The following ZFP64 variants were observed in gnomAD, a reference collection of about 807,000 sequenced individuals.
ZFP64 encodes the protein zinc finger protein 64.
In ZFP64, 14 loss-of-function variants were observed where a neutral mutation model predicts 51.6. The observed-to-expected ratio is 0.27, with a 90% CI of 0.18 to 0.42. ZFP64 has a LOEUF of 0.42. ZFP64 is among the 10% of genes least tolerant of loss of function. The pLI is 1.00. For missense variants in ZFP64, 754 were observed against 906.8 expected (o/e 0.83, Z 2.16); for synonymous variants, 375 against 361.4 (o/e 1.04, Z -0.43).
At chr20:52,114,459 G>C (rs371619757) in intron 5 of ZFP64, among the ~76,000 whole-genome samples, 1 of 152,148 alleles carries the variant, frequency 6.6e-6, no homozygotes, top group South Asian at 2.1e-4. Context: ...GGAATCACCC[G>C]GGGACCTTGT....
intron 8 of ZFP64, among the ~76,000 whole-genome samples, chr20:52,087,509 C>G (rs1466638703): frequency 3.9e-5 from 6 of 152,150 alleles, no homozygotes; most frequent in Non-Finnish European, 8.8e-5. Flanking sequence ...TGAAAATTAC[C>G]CAAGTACTCT....
chr20:52,091,427 A>G (rs1387421046), intron 7 of ZFP64, among the ~76,000 whole-genome samples: 1 of 152,246 alleles, frequency 6.6e-6, no homozygotes, highest in Admixed American at 6.5e-5. Context: ...TAGGAACACA[A>G]TAGAAATTCT....
At position 52,155,196 on chromosome 20, in the gene ZFP64, G is replaced by A. The variant is rs568792130; in HGVS notation, c.764-1768C>T. Among the ~76,000 whole-genome samples, 18 of 152,298 alleles carry A rather than the reference G, an allele frequency of 1.2e-4. No individual in the cohort carries two copies. The East Asian group carries it at 3.1e-3, about 26-fold the overall frequency. On this transcript the variant is annotated intron_variant, in intron 5 of 5. Coordinates refer to ENST00000216923, the MANE Select transcript of ZFP64 (RefSeq NM_018197.3). ...GTAACTACAGTCATTTCTAAATAAAGAAGAGTGTAAAAGATATTTGCTCCA... is the reference window on the plus strand; with the variant it reads ...GTAACTACAGTCATTTCTAAATAAAAAAGAGTGTAAAAGATATTTGCTCCA...
chr20:52,094,009 A>C (rs774730957), intron 7 of ZFP64, among the ~76,000 whole-genome samples: 1 of 152,236 alleles, frequency 6.6e-6, no homozygotes, highest in Admixed American at 6.5e-5. Flanking sequence ...CTTTTTGAGA[A>C]GAGTCCATCC....
At chr20:52,140,398 G>T (rs1301370736) in intron 5 of ZFP64, among the ~76,000 whole-genome samples, 1 of 152,200 alleles carries the variant, frequency 6.6e-6, no homozygotes, top group Non-Finnish European at 1.5e-5. Context: ...GTTCTGCAAA[G>T]AAATTAAAAG....
chr20:52,092,589 C>A (rs1265592972), intron 7 of ZFP64, among the ~76,000 whole-genome samples: 2 of 152,208 alleles, frequency 1.3e-5, no homozygotes, highest in Non-Finnish European at 2.9e-5. Context: ...GTGGCTCACA[C>A]CTGCAATCCC....
Position 52,151,835 on chromosome 20 carries a change from T to G in ZFP64, c.*311A>C. On this transcript the variant is annotated 3_prime_UTR_variant, in exon 6 of 6. Coordinates refer to ENST00000216923, the MANE Select transcript of ZFP64 (RefSeq NM_018197.3). The stretch of plus-strand genomic sequence containing the variant: ...GGGAGGCTGAGGTGGGCAGATCACT[T>G]GAGGTCAGGAGTTCAACATGATGAA... 1 of 1,053,760 alleles carries G rather than the reference T, an allele frequency of 9.5e-7. No homozygotes were observed. The allele number at this position is 1,053,760 out of a possible 1,614,324, so 65.3% of individuals were successfully genotyped here.
chr20:52,099,176 G>A (rs565832326), intron 5 of ZFP64, among the ~76,000 whole-genome samples: 2 of 152,206 alleles, frequency 1.3e-5, no homozygotes, highest in South Asian at 4.1e-4. Flanking sequence ...TGAAGACCTA[G>A]TTTTTTCTAA....
At chr20:52,096,365 G>A (rs902068662) in intron 7 of ZFP64, among the ~76,000 whole-genome samples, 2 of 152,242 alleles carry the variant, frequency 1.3e-5, no homozygotes, top group African/African-American at 4.8e-5. Context: ...GAGAACTACA[G>A]CAGCTGCCTC....
rs543379444 is a variant in ZFP64 at position 52,156,668 on chromosome 20, G to T, written c.764-3240C>A. 5.3e-5 allele frequency among the ~76,000 whole-genome samples: 8 copies of T among 152,322 alleles called. No individual in the cohort carries two copies. In the South Asian group the frequency reaches 1.7e-3, roughly 32 times the overall value. On this transcript the variant is annotated intron_variant, in intron 5 of 5. Coordinates refer to ENST00000216923, the MANE Select transcript of ZFP64 (RefSeq NM_018197.3). ...ACTGTGACAACAGACAATGGATACA[G>T]ATATTGGTATCTAGAAAAAGGGTGA...
intron 7 of ZFP64, among the ~76,000 whole-genome samples, chr20:52,089,918 CT>C (rs2122708322): frequency 6.6e-6 from 1 of 152,226 alleles, no homozygotes; most frequent in East Asian, 1.9e-4. Flanking sequence ...ATCTTCTTGT[CT>C]TTAGGTTCAC....
intron 8 of ZFP64, among the ~76,000 whole-genome samples, chr20:52,086,700 G>C (rs953088399): frequency 6.6e-6 from 1 of 151,992 alleles, no homozygotes; most frequent in African/African-American, 2.4e-5. Flanking sequence ...GGATGGTTTC[G>C]ATCTCCTGAC....
chr20:52,115,069 G>T (rs1326972324), intron 5 of ZFP64, among the ~76,000 whole-genome samples: 1 of 151,980 alleles, frequency 6.6e-6, no homozygotes, highest in African/African-American at 2.4e-5. Context: ...GCCAGGTATG[G>T]TGGTGGGCGC....
chr20:52,133,895 G>C (rs1045040580), intron 5 of ZFP64, among the ~76,000 whole-genome samples: 2 of 152,088 alleles, frequency 1.3e-5, no homozygotes, highest in South Asian at 2.1e-4. Flanking sequence ...TGGGCATGGT[G>C]GTGCATGCCT....
intron 5 of ZFP64, chr20:52,104,972 C>T: frequency 3.6e-6 from 3 of 822,018 alleles, no homozygotes; most frequent in Non-Finnish European, 3.7e-6. Flanking sequence ...TTTACAAAGG[C>T]GGGGGGCGGG....
At chr20:52,136,322 A>G (rs906273838) in intron 5 of ZFP64, among the ~76,000 whole-genome samples, 4 of 152,112 alleles carry the variant, frequency 2.6e-5, no homozygotes, top group East Asian at 1.9e-4. Context: ...CACAGCATCA[A>G]TGTTGAGAAG....
chr20:52,117,615 TC>T (rs769045322), intron 5 of ZFP64: 2 of 456,268 alleles, frequency 4.4e-6, no homozygotes, highest in South Asian at 3.1e-5. Flanking sequence ...CGAAACTCTG[TC>T]TCAAAAGAAA....
At chr20:52,168,428 C>G (rs973514648) in intron 2 of ZFP64, among the ~76,000 whole-genome samples, 2 of 152,208 alleles carry the variant, frequency 1.3e-5, no homozygotes, top group African/African-American at 4.8e-5. Flanking sequence ...GGTCCCCAGA[C>G]AGCAGCATTG....
At chr20:52,128,595 CCTAA>C (rs1173212501) in intron 5 of ZFP64, among the ~76,000 whole-genome samples, 1 of 152,204 alleles carries the variant, frequency 6.6e-6, no homozygotes, top group Non-Finnish European at 1.5e-5. Flanking sequence ...CTTTGTGGCA[CCTAA>C]CTTGTTATTC....
Sources: allele counts gnomAD v4.1 joint callset (sites outside exome capture counted in the v4.1 genomes callset), GRCh38; gene constraint gnomAD v4.1.1; transcripts MANE v1.5; gene names NCBI Gene and HGNC (gene_info 2026-07-23, HGNC 2026-07-21).